RBMS1: variants seen among roughly 807,000 people sequenced by gnomAD.
RBMS1 encodes RNA-binding motif, single-stranded-interacting protein 1.
A neutral mutation model predicts 62.3 loss-of-function variants in RBMS1; 17 were observed. The ratio of observed to expected loss-of-function variants is 0.27; its 90% CI spans 0.19 to 0.41. The LOEUF is 0.41. Among genes scored for constraint, RBMS1 ranks in the 10% least tolerant of loss-of-function variants. The pLI is 1.00. For missense variants in RBMS1, 334 were observed against 504.5 expected, an observed-to-expected ratio of 0.66 and a Z score of 3.24; for synonymous variants, 172 against 170.0, an observed-to-expected ratio of 1.01 and a Z score of -0.09.
At chr2:160,493,160 TAGCAACCTTCC>T (rs1466337046) in intron 1 of RBMS1, 118 bp downstream of exon 1, 1 of 917,532 alleles carries the variant, frequency 1.1e-6, no homozygotes, top group African/African-American at 1.7e-5. Flanking sequence ...GCGCTATAGT[TAGCAACCTTCC>T]AGCAACTCCG....
At chr2:160,352,024 G>A (rs1348358473) in intron 2 of RBMS1, among the ~76,000 whole-genome samples, 1 of 152,094 alleles carries the variant, frequency 6.6e-6, no homozygotes, top group African/African-American at 2.4e-5. Context: ...TTTTTCCACA[G>A]ACACATGAAC....
At chr2:160,291,813 G>C (rs1472194582) in intron 6 of RBMS1, among the ~76,000 whole-genome samples, 1 of 152,068 alleles carries the variant, frequency 6.6e-6, no homozygotes. Context: ...TCAACTAAGA[G>C]TTGTTTATCA....
At chr2:160,307,246 C>A (rs530483346) in intron 4 of RBMS1, among the ~76,000 whole-genome samples, 9 of 150,680 alleles carry the variant, frequency 6.0e-5, no homozygotes, top group African/African-American at 1.9e-4. Flanking sequence ...AGAATAGGTT[C>A]AACAACCAGC....
chr2:160,403,334 G>A (rs2105235555), intron 1 of RBMS1, among the ~76,000 whole-genome samples: 1 of 152,176 alleles, frequency 6.6e-6, no homozygotes, highest in African/African-American at 2.4e-5. Flanking sequence ...CAACAAATTG[G>A]GACTGTTTCA....
chr2:160,443,085 A>G (rs1683478257), intron 1 of RBMS1, among the ~76,000 whole-genome samples: 1 of 152,042 alleles, frequency 6.6e-6, no homozygotes, highest in Non-Finnish European at 1.5e-5. Context: ...GGGCACCTGT[A>G]ATCCCAACTA....
chr2:160,400,389 A>T (rs1217913599), intron 1 of RBMS1, among the ~76,000 whole-genome samples: 2 of 152,040 alleles, frequency 1.3e-5, no homozygotes, highest in Non-Finnish European at 2.9e-5. Context: ...AAAGAAGCTA[A>T]GAGCCAAAAA....
At chr2:160,430,903 A>C (rs932645430) in intron 1 of RBMS1, among the ~76,000 whole-genome samples, 7 of 151,764 alleles carry the variant, frequency 4.6e-5, no homozygotes, top group Non-Finnish European at 1.0e-4. Flanking sequence ...TGCATGAAAT[A>C]ATGATGGGGC....
chr2:160,347,002 T>C (rs1281177226), intron 2 of RBMS1, among the ~76,000 whole-genome samples: 2 of 152,128 alleles, frequency 1.3e-5, no homozygotes, highest in East Asian at 1.9e-4. Context: ...GAAAAAAAGA[T>C]ATTTTCTTAT....
rs1001553149 is a variant in RBMS1, at chr2:160,430,987, A to T, written c.75+62302T>A. On this transcript the variant is annotated intron_variant, in intron 1 of 13. Transcript: ENST00000348849. Reference sequence around the variant, plus strand: ...CCTCCAGGGTTACCTGTGATATTGTATATGACTGATATGGACATGACGGTC... The same window carrying T: ...CCTCCAGGGTTACCTGTGATATTGTTTATGACTGATATGGACATGACGGTC... 2.0e-5 allele frequency among the ~76,000 whole-genome samples: 3 copies of T among 151,250 alleles called. No individual in the cohort carries two copies. The East Asian group carries it at 6.0e-4, about 30-fold the overall frequency.
intron 1 of RBMS1, among the ~76,000 whole-genome samples, chr2:160,451,660 G>A (rs1403742148): frequency 6.6e-6 from 1 of 152,042 alleles, no homozygotes; most frequent in Non-Finnish European, 1.5e-5. Flanking sequence ...TCAGGCTGGA[G>A]TGCAGTGGTG....
intron 1 of RBMS1, among the ~76,000 whole-genome samples, chr2:160,391,960 CA>C (rs11302151): frequency 0.15 from 21,333 of 139,186 alleles, 3,074 homozygotes; most frequent in African/African-American, 0.39. Flanking sequence ...ACTCCATCTC[CA>C]AAAAAAAAAA....
intron 1 of RBMS1, among the ~76,000 whole-genome samples, chr2:160,441,054 C>G (rs1018408921): frequency 5.3e-5 from 8 of 152,212 alleles, no homozygotes; most frequent in African/African-American, 1.9e-4. Context: ...TCTCCAACCA[C>G]TGTCTGATGT....
chr2:160,473,822 G>T (rs970237927), intron 1 of RBMS1, among the ~76,000 whole-genome samples: 1 of 152,008 alleles, frequency 6.6e-6, no homozygotes, highest in Non-Finnish European at 1.5e-5. Flanking sequence ...TCTATTACTT[G>T]AGTCTTTTCT....
chr2:160,388,400 G>T (rs1239073069), intron 1 of RBMS1, among the ~76,000 whole-genome samples: 2 of 152,282 alleles, frequency 1.3e-5, no homozygotes, highest in Non-Finnish European at 1.5e-5. Flanking sequence ...AGCACCCCAA[G>T]AGTTTCTGAT....
intron 6 of RBMS1, among the ~76,000 whole-genome samples, chr2:160,295,544 T>C (rs965170169): frequency 2.0e-5 from 3 of 152,200 alleles, no homozygotes; most frequent in Non-Finnish European, 4.4e-5. Context: ...TTGTGCTCCA[T>C]TTGTAACTTG....
intron 2 of RBMS1, among the ~76,000 whole-genome samples, chr2:160,328,226 A>T (rs966633133): frequency 2.0e-5 from 3 of 152,176 alleles, no homozygotes; most frequent in African/African-American, 7.2e-5. Context: ...CATATAATGA[A>T]TATTCAATGA....
chr2:160,493,496 C>T lies in RBMS1; in HGVS notation c.-133G>A, dbSNP rs1685956768. Reference sequence around the variant, plus strand: ...GCGGCGGCTGCTGCTGCTGCCGCTGCTCCACCTCCCAGCCGGGACCAGACG... The same window carrying T: ...GCGGCGGCTGCTGCTGCTGCCGCTGTTCCACCTCCCAGCCGGGACCAGACG... On this transcript the variant is annotated 5_prime_UTR_variant, in exon 1 of 14. Transcript: ENST00000348849. 4.1e-6 allele frequency: 3 copies of T among 732,290 alleles called. No individual in the cohort carries two copies. The highest frequency in any genetic ancestry group is 4.5e-5 in the Admixed American group (2 of 44,152). 45.4% of individuals were successfully genotyped at this position (732,290 alleles called of 1,614,324 possible). A position where few individuals can be genotyped will look rare whatever the true frequency, so the allele number is the denominator to read the frequency against.
intron 1 of RBMS1, among the ~76,000 whole-genome samples, chr2:160,387,784 C>T (rs1694662553): frequency 6.6e-6 from 1 of 151,986 alleles, no homozygotes; most frequent in Non-Finnish European, 1.5e-5. Context: ...CACTGCCACC[C>T]CATCAGGCAG....
chr2:160,309,234 G>A (rs1689717307), intron 4 of RBMS1, among the ~76,000 whole-genome samples: 1 of 152,170 alleles, frequency 6.6e-6, no homozygotes, highest in Non-Finnish European at 1.5e-5. Context: ...AGCGTTCCAA[G>A]TCTCACCATG....
Sources: allele counts gnomAD v4.1 joint callset (sites outside exome capture counted in the v4.1 genomes callset), GRCh38; gene constraint gnomAD v4.1.1; transcripts MANE v1.5; gene names NCBI Gene and HGNC (gene_info 2026-07-23, HGNC 2026-07-21).